Variants in UST observed in about 807,000 individuals in gnomAD.
The protein encoded by UST is uronyl 2-sulfotransferase, also known as chondroitin sulfate 2-O-sulfotransferase.
In UST, 21 loss-of-function variants were observed where a neutral mutation model predicts 45.6. The observed-to-expected ratio is 0.46, with a 90% CI of 0.33 to 0.66. The LOEUF (loss-of-function observed/expected upper bound fraction) is 0.66. Among genes scored for constraint, UST ranks in the 30% least tolerant of loss-of-function variants. The pLI, the probability that UST is intolerant of heterozygous loss-of-function variation, is 0.02. For missense variants in UST, 463 were observed against 512.4 expected, an observed-to-expected ratio of 0.90 and a Z score of 0.93; for synonymous variants, 215 against 200.6, an observed-to-expected ratio of 1.07 and a Z score of -0.61.
intron 1 of UST, among the ~76,000 whole-genome samples, chr6:148,863,116 C>T (rs968170991): frequency 5.9e-5 from 9 of 152,172 alleles, no homozygotes; most frequent in African/African-American, 1.4e-4. Flanking sequence ...CCATTCTCCC[C>T]GTCACTTTCA....
At chr6:148,912,786 A>G (rs1779501141) in intron 2 of UST, among the ~76,000 whole-genome samples, 1 of 152,234 alleles carries the variant, frequency 6.6e-6, no homozygotes, top group South Asian at 2.1e-4. Flanking sequence ...TCTTTGGAGA[A>G]TAAGTATTTA....
At chr6:149,010,907 A>ACATAC (rs1191337557) in intron 5 of UST, among the ~76,000 whole-genome samples, 1 of 140,498 alleles carries the variant, frequency 7.1e-6, no homozygotes, top group Admixed American at 7.3e-5. Flanking sequence ...AAAAAAAAAA[A>ACATAC]AAAAAAAAAA....
At chr6:148,895,673 T>C (rs1779113907) in intron 2 of UST, among the ~76,000 whole-genome samples, 1 of 152,246 alleles carries the variant, frequency 6.6e-6, no homozygotes, top group African/African-American at 2.4e-5. Flanking sequence ...CAAGATCTGA[T>C]GGTTTTATGA....
At chr6:148,781,736 T>G (rs1315133022) in intron 1 of UST, among the ~76,000 whole-genome samples, 2 of 152,218 alleles carry the variant, frequency 1.3e-5, no homozygotes, top group African/African-American at 4.8e-5. Context: ...TGTTAGGGGC[T>G]TATGTAGCTG....
At chr6:149,032,811 C>T (rs1005145590) in intron 7 of UST, among the ~76,000 whole-genome samples, 1 of 152,164 alleles carries the variant, frequency 6.6e-6, no homozygotes, top group Non-Finnish European at 1.5e-5. Context: ...TCTCATGATT[C>T]ATTTCCCCAG....
rs899176286 is a variant in UST at position 148,906,661 on chromosome 6, C to G, written c.291+19632C>G. ...GCTTAACTTCTGAAGCTTAGTGAAC[C>G]TACATTCACTTGAAGACTCTGCCTC... On this transcript the variant is annotated intron_variant, in intron 2 of 7. Coordinates refer to ENST00000367463, the MANE Select transcript of UST (RefSeq NM_005715.3). 2.7e-5 allele frequency among the ~76,000 whole-genome samples: 4 copies of G among 146,648 alleles called. No individual in the cohort carries two copies. In the Admixed American group the frequency reaches 2.8e-4, roughly 10 times the overall value.
intron 1 of UST, among the ~76,000 whole-genome samples, chr6:148,855,741 G>A (rs1778191290): frequency 1.3e-5 from 2 of 151,956 alleles, no homozygotes; most frequent in South Asian, 4.2e-4. Context: ...TTAATACTTC[G>A]GGAGAAAAAG....
At chr6:149,027,476 A>G (rs1442233560) in intron 7 of UST, among the ~76,000 whole-genome samples, 5 of 152,340 alleles carry the variant, frequency 3.3e-5, no homozygotes, top group Middle Eastern at 3.4e-3. Context: ...TGTATCATGT[A>G]GAATGTTTTA....
intron 1 of UST, among the ~76,000 whole-genome samples, chr6:148,795,970 TTTAG>T (rs1475400882): frequency 6.6e-6 from 1 of 152,150 alleles, no homozygotes; most frequent in Admixed American, 6.5e-5. Flanking sequence ...ATATTTATAG[TTTAG>T]TTAATCTTGT....
At chr6:148,802,111 C>G (rs932766929) in intron 1 of UST, among the ~76,000 whole-genome samples, 1 of 152,206 alleles carries the variant, frequency 6.6e-6, no homozygotes, top group South Asian at 2.1e-4. Flanking sequence ...CTGCCCAAGT[C>G]CCCATGCGGG....
chr6:149,035,476 C>T (rs916234272), intron 7 of UST, among the ~76,000 whole-genome samples: 4 of 152,030 alleles, frequency 2.6e-5, no homozygotes, highest in East Asian at 1.9e-4. Flanking sequence ...TAATTGCAGC[C>T]GGACATGGTG....
At chr6:148,859,175 T>A (rs974376181) in intron 1 of UST, among the ~76,000 whole-genome samples, 1 of 150,182 alleles carries the variant, frequency 6.7e-6, no homozygotes, top group Non-Finnish European at 1.5e-5. Context: ...TTCCTGACTT[T>A]TTACCATTCT....
At chr6:148,880,057 T>G (rs1280193242) in intron 1 of UST, among the ~76,000 whole-genome samples, 1 of 151,342 alleles carries the variant, frequency 6.6e-6, no homozygotes, top group African/African-American at 2.4e-5. Flanking sequence ...TGGATTCAAG[T>G]AATTCTCCCA....
intron 1 of UST, 133 bp downstream of exon 1, chr6:148,747,810 C>A: frequency 1.7e-6 from 2 of 1,183,790 alleles, no homozygotes; most frequent in Non-Finnish European, 2.2e-6. Context: ...GGTGCTAAGC[C>A]CGTGAGCATC....
At chr6:149,015,400 T>C (rs545015013) in intron 5 of UST, among the ~76,000 whole-genome samples, 12 of 152,298 alleles carry the variant, frequency 7.9e-5, no homozygotes, top group Non-Finnish European at 1.3e-4. Context: ...TCCCTAATAA[T>C]GCAAAATCTT....
At chr6:148,816,853 T>C (rs972834091) in intron 1 of UST, among the ~76,000 whole-genome samples, 1 of 152,234 alleles carries the variant, frequency 6.6e-6, no homozygotes, top group Non-Finnish European at 1.5e-5. Context: ...GGAATGAATA[T>C]ATCTCTCTTT....
chr6:148,983,892 C>T (rs1450424520), intron 5 of UST, among the ~76,000 whole-genome samples: 3 of 152,184 alleles, frequency 2.0e-5, no homozygotes, highest in Non-Finnish European at 2.9e-5. Context: ...TCACCACCAC[C>T]CCCACATCAC....
intron 2 of UST, among the ~76,000 whole-genome samples, chr6:148,894,826 T>TTTTTTC (rs1779089854): frequency 7.2e-6 from 1 of 138,382 alleles, no homozygotes; most frequent in Non-Finnish European, 1.5e-5. Context: ...TTTTTTTTTT[T>TTTTTTC]TTTTTTTTTT....
intron 7 of UST, among the ~76,000 whole-genome samples, chr6:149,031,132 G>A (rs778372499): frequency 3.3e-5 from 5 of 151,890 alleles, no homozygotes; most frequent in African/African-American, 7.3e-5. Context: ...GCCTGAACCC[G>A]GAAGGTGGAG....
Sources: allele counts gnomAD v4.1 joint callset (sites outside exome capture counted in the v4.1 genomes callset), GRCh38; gene constraint gnomAD v4.1.1; transcripts MANE v1.5; gene names NCBI Gene and HGNC (gene_info 2026-07-23, HGNC 2026-07-21).